Variants in RAB38 observed in about 807,000 individuals in gnomAD.
RAB38 encodes ras-related protein Rab-38.
In RAB38, 15 loss-of-function variants were observed where a neutral mutation model predicts 18.4. That is an observed-to-expected ratio of 0.82 (90% CI 0.55 to 1.26). RAB38 has a LOEUF of 1.26. Among genes scored for constraint, RAB38 ranks in the 50% most tolerant of loss-of-function variants. RAB38 has a pLI of 0.00. For missense variants in RAB38, 294 were observed against 267.4 expected, an observed-to-expected ratio of 1.10 and a Z score of -0.69; for synonymous variants, 101 against 104.4, an observed-to-expected ratio of 0.97 and a Z score of 0.20.
At chr11:88,153,388 C>T (rs1027451804) in intron 1 of RAB38, among the ~76,000 whole-genome samples, 1 of 152,190 alleles carries the variant, frequency 6.6e-6, no homozygotes, top group Middle Eastern at 3.2e-3. Context: ...TACTTCCAGT[C>T]ATCTTCTAAC....
chr11:87,934,559 T>G, the RAB38 span, among the ~76,000 whole-genome samples: 1 of 152,120 alleles, frequency 6.6e-6, no homozygotes, highest in African/African-American at 2.4e-5. Flanking sequence ...GGCTATTGAT[T>G]TGAGGCAGTA....
chr11:87,942,172 A>G, the RAB38 span, among the ~76,000 whole-genome samples: 320 of 152,340 alleles, frequency 2.1e-3, 3 homozygotes, highest in Non-Finnish European at 3.5e-3. Context: ...GGAAAATCAC[A>G]TTATTGAATG....
intron 2 of RAB38, among the ~76,000 whole-genome samples, chr11:88,132,872 G>A (rs778752096): frequency 2.0e-5 from 3 of 152,170 alleles, no homozygotes; most frequent in African/African-American, 4.8e-5. Context: ...ATACATGTGA[G>A]TTCAAGTTAT....
At chr11:87,882,441 TC>T in the RAB38 span, among the ~76,000 whole-genome samples, 1 of 151,908 alleles carries the variant, frequency 6.6e-6, no homozygotes, top group African/African-American at 2.4e-5. Context: ...ACCTATATTT[TC>T]ATTTCTCCTC....
the RAB38 span, among the ~76,000 whole-genome samples, chr11:87,949,997 G>A: frequency 6.6e-6 from 1 of 152,268 alleles, no homozygotes; most frequent in East Asian, 1.9e-4. Context: ...GGGTGTTAAA[G>A]TCTCCCATTA....
chr11:88,164,995 T>C (rs1943230394), intron 1 of RAB38, among the ~76,000 whole-genome samples: 1 of 152,090 alleles, frequency 6.6e-6, no homozygotes, highest in Admixed American at 6.6e-5. Flanking sequence ...AAGTAGTATA[T>C]GAAGATGACT....
chr11:87,958,600 T>C, the RAB38 span, among the ~76,000 whole-genome samples: 1 of 152,184 alleles, frequency 6.6e-6, no homozygotes, highest in Non-Finnish European at 1.5e-5. Flanking sequence ...GGGAAGGAAG[T>C]AGACAGCAAG....
chr11:88,119,544 G>C, intron 2 of RAB38, among the ~76,000 whole-genome samples: 1 of 151,784 alleles, frequency 6.6e-6, no homozygotes, highest in Middle Eastern at 3.4e-3. Flanking sequence ...CTCATCTTTC[G>C]GTGGAGGAAG....
the RAB38 span, among the ~76,000 whole-genome samples, chr11:87,918,502 G>A: frequency 6.6e-6 from 1 of 152,028 alleles, no homozygotes. Flanking sequence ...CACCAACAGT[G>A]TACAAGGATT....
the RAB38 span, among the ~76,000 whole-genome samples, chr11:88,034,746 C>G: frequency 6.6e-6 from 1 of 152,090 alleles, no homozygotes; most frequent in Non-Finnish European, 1.5e-5. Flanking sequence ...TACACCTTTA[C>G]TGTGATTGGA....
the RAB38 span, among the ~76,000 whole-genome samples, chr11:88,056,139 T>A: frequency 2.6e-5 from 4 of 152,186 alleles, no homozygotes; most frequent in South Asian, 8.3e-4. Context: ...CTGATTAGTA[T>A]GGTAATGAAG....
chr11:87,956,990 G>GA, the RAB38 span, among the ~76,000 whole-genome samples: 1,004 of 151,424 alleles, frequency 6.6e-3, 6 homozygotes, highest in Admixed American at 0.019. Flanking sequence ...TTTTGGGGGG[G>GA]GGTCCTTGAG....
At chr11:87,937,180 A>G in the RAB38 span, among the ~76,000 whole-genome samples, 5 of 151,426 alleles carry the variant, frequency 3.3e-5, no homozygotes, top group Non-Finnish European at 7.4e-5. Flanking sequence ...AGTTAGGTCA[A>G]ATGCCTTTTC....
the RAB38 span, among the ~76,000 whole-genome samples, chr11:87,946,699 G>A: frequency 6.6e-6 from 1 of 152,124 alleles, no homozygotes; most frequent in African/African-American, 2.4e-5. Context: ...TTTCATCCAT[G>A]TCCCTACAAA....
the RAB38 span, among the ~76,000 whole-genome samples, chr11:87,833,674 T>G: frequency 6.6e-6 from 1 of 152,120 alleles, no homozygotes; most frequent in Admixed American, 6.6e-5. Context: ...GAAACTGAAG[T>G]ACAGAGTTGT....
the RAB38 span, among the ~76,000 whole-genome samples, chr11:87,835,377 C>T: frequency 3.5e-4 from 54 of 152,228 alleles, no homozygotes; most frequent in Non-Finnish European, 6.6e-4. Flanking sequence ...TAGCAATCAT[C>T]TCTGAAGTGT....
At chr11:87,842,807 C>T in the RAB38 span, among the ~76,000 whole-genome samples, 40 of 68,978 alleles carry the variant, frequency 5.8e-4, no homozygotes, top group Non-Finnish European at 1.0e-3. Context: ...CACACACACA[C>T]ACGCGCGCGC....
the RAB38 span, among the ~76,000 whole-genome samples, chr11:87,944,823 C>G: frequency 6.6e-6 from 1 of 152,098 alleles, no homozygotes; most frequent in African/African-American, 2.4e-5. Context: ...TGCCTCAGGA[C>G]TTCTAGTAGG....
chr11:87,849,369 C>T, the RAB38 span, among the ~76,000 whole-genome samples: 1 of 152,096 alleles, frequency 6.6e-6, no homozygotes, highest in South Asian at 2.1e-4. Context: ...GTTATGTGGT[C>T]GCCATATATA....
Sources: allele counts gnomAD v4.1 joint callset (sites outside exome capture counted in the v4.1 genomes callset), GRCh38; gene constraint gnomAD v4.1.1; transcripts MANE v1.5; gene names NCBI Gene and HGNC (gene_info 2026-07-23, HGNC 2026-07-21).